Variants in DNAH9 observed in about 807,000 individuals in gnomAD.
The protein encoded by DNAH9 is DNAH9 variant protein.
Under a neutral mutation model 471.6 loss-of-function variants are expected in DNAH9, and 345 were observed. The ratio of observed to expected loss-of-function variants is 0.73; its 90% confidence interval spans 0.67 to 0.80. The LOEUF (loss-of-function observed/expected upper bound fraction) is 0.80, where lower values mean the gene tolerates loss of function less well. DNAH9 is among the 30% of genes least tolerant of loss of function. DNAH9 has a pLI of 0.00. For synonymous variants in DNAH9, 2,093 were observed against 2,123.6 expected, an observed-to-expected ratio of 0.99 and a Z score of 0.40; for missense variants, 5,407 against 5,609.2, an observed-to-expected ratio of 0.96 and a Z score of 1.15.
At chr17:11,737,203 T>C (rs1972552) in intron 28 of DNAH9, among the ~76,000 whole-genome samples, 1 of 152,220 alleles carries the variant, frequency 6.6e-6, no homozygotes, top group Non-Finnish European at 1.5e-5. Flanking sequence ...CTCAAACGCA[T>C]ACAGTCATTA....
intron 49 of DNAH9, among the ~76,000 whole-genome samples, chr17:11,835,292 A>T (rs1970813427): frequency 6.6e-6 from 1 of 152,182 alleles, no homozygotes; most frequent in Non-Finnish European, 1.5e-5. Flanking sequence ...GTAACCCAGG[A>T]CCATTTTGCC....
chr17:11,907,069 A>G (rs1973627266), intron 61 of DNAH9, among the ~76,000 whole-genome samples: 1 of 152,244 alleles, frequency 6.6e-6, no homozygotes, highest in Non-Finnish European at 1.5e-5. Flanking sequence ...AAACCAAAAA[A>G]ACAAAAATGA....
At chr17:11,762,051 CA>C (rs35957777) in intron 35 of DNAH9, among the ~76,000 whole-genome samples, 57,757 of 151,956 alleles carry the variant, frequency 0.38, 12,504 homozygotes, top group Admixed American at 0.51. Context: ...GTTACAAATA[CA>C]CATCAAACAA....
intron 45 of DNAH9, among the ~76,000 whole-genome samples, chr17:11,810,757 A>G (rs750298359): frequency 6.6e-6 from 1 of 152,230 alleles, no homozygotes; most frequent in Non-Finnish European, 1.5e-5. Context: ...GCAGGAAGAT[A>G]CACAAAAAGA....
chr17:11,951,112 A>C (rs537582765), intron 67 of DNAH9, among the ~76,000 whole-genome samples: 2 of 152,366 alleles, frequency 1.3e-5, no homozygotes, highest in South Asian at 4.1e-4. Context: ...AATTTTGTAT[A>C]GAAGCAAATT....
chr17:11,628,408 G>T (rs2073007411), intron 6 of DNAH9, among the ~76,000 whole-genome samples: 1 of 152,198 alleles, frequency 6.6e-6, no homozygotes, highest in South Asian at 2.1e-4. Flanking sequence ...GTGTGTGCAG[G>T]CCTGGCCTAA....
chr17:11,756,801 T>C (rs1404128425), intron 34 of DNAH9, 125 bp downstream of exon 34: 1 of 667,312 alleles, frequency 1.5e-6, no homozygotes, highest in Non-Finnish European at 2.7e-6. Flanking sequence ...ACGTGCAGTT[T>C]TGTGAATTTG....
At chr17:11,653,345 A>C (rs1597438379) in intron 14 of DNAH9, among the ~76,000 whole-genome samples, 2 of 152,160 alleles carry the variant, frequency 1.3e-5, no homozygotes, top group South Asian at 4.1e-4. Flanking sequence ...CGGCTTGCCC[A>C]CACAACATAT....
At chr17:11,629,045 T>A (rs1223017600) in intron 6 of DNAH9, among the ~76,000 whole-genome samples, 2 of 152,144 alleles carry the variant, frequency 1.3e-5, no homozygotes, top group Non-Finnish European at 2.9e-5. Context: ...TTCCAACTTT[T>A]CTCATTCACT....
intron 2 of DNAH9, among the ~76,000 whole-genome samples, chr17:11,609,928 A>C (rs1485469097): frequency 6.6e-6 from 1 of 152,358 alleles, no homozygotes; most frequent in Non-Finnish European, 1.5e-5. Context: ...ACAGGGAGTT[A>C]GAAATGGTTC....
At chr17:11,726,474 T>C (rs184426482) in intron 27 of DNAH9, among the ~76,000 whole-genome samples, 2 of 152,292 alleles carry the variant, frequency 1.3e-5, no homozygotes, top group Middle Eastern at 3.4e-3. Context: ...TCGAAGAGCA[T>C]CTTTCAGGCC....
rs565522840 is a variant in DNAH9 at position 11,963,192 on chromosome 17, T to C, written c.13233+936T>C. ...GCTCACACCTGTAATCCCAGCACTT[T>C]GGGAGGCCGAGGCGGGCAGATCACC... On this transcript the variant is annotated intron_variant, in intron 68 of 68. Coordinates refer to ENST00000262442, the MANE Select transcript of DNAH9 (RefSeq NM_001372.4). 9.2e-5 allele frequency among the ~76,000 whole-genome samples: 14 copies of C among 152,162 alleles called. 1 individual carries two copies. Among genetic ancestry groups the C allele is most frequent in the African/African-American group, 3.4e-4 (14 of 41,518 alleles).
At chr17:11,650,956 A>G (rs2073494215) in intron 12 of DNAH9, 113 bp from the exon 13 acceptor site, 1 of 1,156,722 alleles carries the variant, frequency 8.6e-7, no homozygotes, top group Admixed American at 2.3e-5. Context: ...GCAGAACTTA[A>G]GAAAAGACCC....
Position 11,854,085 on chromosome 17 carries a change from C to T in DNAH9, c.9590C>T (p.Ala3197Val). 1.2e-6 allele frequency: 2 copies of T among 1,614,200 alleles called. No individual in the cohort carries two copies. The highest frequency in any genetic ancestry group is 1.7e-6 in the Non-Finnish European group (2 of 1,180,038). Residue 3197 changes from alanine (A) to valine (V), a missense_variant, in exon 50 of 69, where the codon GCT (alanine) becomes GTT (valine). By Grantham distance (64) the Ala-to-Val change is moderately conservative. Coordinates refer to ENST00000262442, the MANE Select transcript of DNAH9 (RefSeq NM_001372.4). ...AGCGCTGCGGTGATGGTACTGATGG[C>T]TCCCAGGGGTAGGGTGCCCAAGGAC... The part of the protein sequence containing the change: ...NVSAAVMVLM[A>V]PRGRVPKDRS...
intron 27 of DNAH9, among the ~76,000 whole-genome samples, chr17:11,723,689 A>G (rs1177872064): frequency 2.0e-5 from 3 of 151,052 alleles, no homozygotes; most frequent in African/African-American, 7.3e-5. Flanking sequence ...TTTTTTTGAG[A>G]TGGAGTCTCG....
intron 20 of DNAH9, among the ~76,000 whole-genome samples, chr17:11,692,249 G>A (rs758506941): frequency 6.6e-6 from 1 of 152,158 alleles, no homozygotes; most frequent in Non-Finnish European, 1.5e-5. Context: ...GTTTCCCTGT[G>A]TGTAAACTGG....
chr17:11,969,120 G>A (rs1408338417), intron 68 of DNAH9, among the ~76,000 whole-genome samples, 180 bp from the exon 69 acceptor site: 1 of 152,150 alleles, frequency 6.6e-6, no homozygotes, highest in Non-Finnish European at 1.5e-5. Context: ...AAATAGAAAC[G>A]TGTTTCTACA....
intron 42 of DNAH9, among the ~76,000 whole-genome samples, chr17:11,795,073 T>TAA (rs11404859): frequency 1.3e-4 from 19 of 151,642 alleles, no homozygotes; most frequent in African/African-American, 3.2e-4. Flanking sequence ...TAAAGTATAA[T>TAA]AAAAAAATAC....
chr17:11,951,168 A>T (rs931253563), intron 67 of DNAH9, among the ~76,000 whole-genome samples: 1 of 152,210 alleles, frequency 6.6e-6, no homozygotes, highest in African/African-American at 2.4e-5. Context: ...GCATTTTATA[A>T]CCATGGAAGT....
Sources: allele counts gnomAD v4.1 joint callset (sites outside exome capture counted in the v4.1 genomes callset), GRCh38; gene constraint gnomAD v4.1.1; transcripts MANE v1.5; gene names NCBI Gene and HGNC (gene_info 2026-07-23, HGNC 2026-07-21).